The following USP8 variants were observed in gnomAD, a reference collection of about 807,000 sequenced individuals.
USP8 encodes the protein ubiquitin specific peptidase 8, also known as ubiquitin carboxyl-terminal hydrolase 8.
USP8 carries 27 observed loss-of-function variants against 130.0 expected under a neutral mutation model. The observed-to-expected ratio is 0.21, with a 90% CI of 0.15 to 0.29. The LOEUF is 0.29. Ranked by LOEUF, USP8 falls within the 10% of genes least tolerant of loss-of-function variation. The probability of loss-of-function intolerance (pLI) is 1.00; values close to 1 mark genes in which losing one functional copy is unlikely to be tolerated. For synonymous variants in USP8, 392 were observed against 444.1 expected (o/e 0.88, Z 1.48); for missense variants, 1,029 against 1,312.2 (o/e 0.78, Z 3.33).
At chr15:50,425,493 G>A (rs914664266) in intron 1 of USP8, among the ~76,000 whole-genome samples, 1 of 152,148 alleles carries the variant, frequency 6.6e-6, no homozygotes, top group Non-Finnish European at 1.5e-5. Context: ...GATGGATTTG[G>A]GTAGTTTCTC....
At chr15:50,441,119 G>A (rs2050245392) in intron 2 of USP8, among the ~76,000 whole-genome samples, 1 of 152,134 alleles carries the variant, frequency 6.6e-6, no homozygotes, top group Non-Finnish European at 1.5e-5. Context: ...GAGCTCAGGT[G>A]GTAATGCGAG....
chr15:50,508,443 T>A lies in USP8; in HGVS notation c.*9355T>A, dbSNP rs1414823499. 1.3e-5 allele frequency: 2 copies of A among 152,200 alleles called. No homozygotes were observed. Among genetic ancestry groups the A allele is most frequent in the Non-Finnish European group, 2.9e-5 (2 of 68,048 alleles). 9.4% of individuals were successfully genotyped at this position (152,200 alleles called of 1,614,324 possible). A position where few individuals can be genotyped will look rare whatever the true frequency, so the allele number is the denominator to read the frequency against. Reference sequence around the variant, plus strand: ...TTGTTATGCTGTCCAATTTTGTATATGTTTGAAATATTCTATAATAAAAAA... The same window carrying A: ...TTGTTATGCTGTCCAATTTTGTATAAGTTTGAAATATTCTATAATAAAAAA... On this transcript the variant is annotated 3_prime_UTR_variant, in exon 20 of 20. Coordinates refer to ENST00000307179, the MANE Select transcript of USP8 (RefSeq NM_005154.5).
chr15:50,449,256 A>G (rs1006507441), intron 3 of USP8, 144 bp from the exon 4 acceptor site: 5 of 414,122 alleles, frequency 1.2e-5, no homozygotes, highest in African/African-American at 2.1e-5. Flanking sequence ...ATACATTTAC[A>G]TAGGTTAAAA....
At chr15:50,488,741 T>A (rs1205194300) in intron 12 of USP8, among the ~76,000 whole-genome samples, 1 of 146,166 alleles carries the variant, frequency 6.8e-6, no homozygotes, top group African/African-American at 2.5e-5. Context: ...ATTTTTGGAT[T>A]TTTTTTTTTT....
chr15:50,465,306 T>A, intron 7 of USP8, 115 bp downstream of exon 7: 1 of 952,858 alleles, frequency 1.0e-6, no homozygotes, highest in Non-Finnish European at 1.4e-6. Flanking sequence ...CTTTTCCTGG[T>A]AACTTTTTAA....
rs770347449 is a variant in USP8 at position 50,471,810 on chromosome 15, T to C, written c.849+15T>C. On this transcript the variant is annotated intron_variant, in intron 8 of 19. Coordinates refer to ENST00000307179, the MANE Select transcript of USP8 (RefSeq NM_005154.5). ...CACTTTTCAAGGTTTGCAAGTTTCA[T>C]TGTTAGTTTATTGTAATTGCAGGGC... 7 of 1,613,424 alleles carry C rather than the reference T, an allele frequency of 4.3e-6. No individual in the cohort carries two copies. The highest frequency in any genetic ancestry group is 2.2e-5 in the South Asian group (2 of 90,918).
At chr15:50,438,389 G>A (rs1005784255) in intron 1 of USP8, among the ~76,000 whole-genome samples, 42 of 152,194 alleles carry the variant, frequency 2.8e-4, no homozygotes, top group Non-Finnish European at 4.0e-4. Flanking sequence ...TTTGAGACCA[G>A]CCTGGCCAAT....
intron 6 of USP8, chr15:50,463,262 A>G (rs762048363): frequency 1.3e-5 from 2 of 152,216 alleles, no homozygotes; most frequent in African/African-American, 4.8e-5. Context: ...AACCAGTAAT[A>G]TGGAAATTAT....
intron 8 of USP8, among the ~76,000 whole-genome samples, chr15:50,472,898 A>T: frequency 6.6e-6 from 1 of 152,326 alleles, no homozygotes; most frequent in East Asian, 1.9e-4. Context: ...CAGCAAGAGC[A>T]GAACTGTGTC....
chr15:50,426,514 A>G (rs1160061475), intron 1 of USP8, among the ~76,000 whole-genome samples: 1 of 152,246 alleles, frequency 6.6e-6, no homozygotes, highest in Non-Finnish European at 1.5e-5. Flanking sequence ...TCAGATAAGC[A>G]GCTGAGTTTG....
chr15:50,493,540 GC>G (rs2141322168), intron 15 of USP8: 11 of 512,016 alleles, frequency 2.1e-5, no homozygotes, highest in South Asian at 1.3e-4. Context: ...ATCACTTGGG[GC>G]CCAGGAGTTT....
chr15:50,512,325 TA>T lies in USP8; in HGVS notation c.*13251del, dbSNP rs1373639566. The T allele has an allele frequency of 3.6e-3, 488 of 135,608 alleles. 1 individual carries two copies. Among genetic ancestry groups the T allele is most frequent in the Middle Eastern group, 0.012 (3 of 254 alleles). 8.4% of individuals were successfully genotyped at this position (135,608 alleles called of 1,614,324 possible). On this transcript the variant is annotated 3_prime_UTR_variant, in exon 20 of 20. Transcript: ENST00000307179. ...CCTGGGCAACAGAGCAAGACTCTGT[TA>T]AAAAAAAAAAAAATAGCGAGAGATC...
In USP8 at chr15:50,427,215, C is replaced by T. The variant is rs542458402; in HGVS notation, c.-66+2701C>T. Among the ~76,000 whole-genome samples the T allele has an allele frequency of 4.6e-5, 7 of 152,244 alleles. No individual in the cohort carries two copies. The South Asian group carries it at 1.0e-3, about 23-fold the overall frequency. ...CCTCCGAAAGTGCTGGAATTACAGGCGTGAGCCACCGCGCCTGACCCATTT... is the reference window on the plus strand; with the variant it reads ...CCTCCGAAAGTGCTGGAATTACAGGTGTGAGCCACCGCGCCTGACCCATTT... On this transcript the variant is annotated intron_variant, in intron 1 of 19. Coordinates refer to ENST00000307179, the MANE Select transcript of USP8 (RefSeq NM_005154.5).
At chr15:50,495,802 T>C (rs779094957) in intron 16 of USP8, 46 bp from the exon 17 acceptor site, 2 of 1,439,158 alleles carry the variant, frequency 1.4e-6, no homozygotes, top group South Asian at 2.5e-5. Flanking sequence ...AATTTAAATG[T>C]TTTCTTTGAG....
chr15:50,513,695 GTTAT>G lies in USP8; in HGVS notation c.*14611_*14614del, dbSNP rs2052769826. ...AAAAGAAAGTATACAAATTTAAGTA[GTTAT>G]TTAAACCACAATGCCATTCTACTAT... On this transcript the variant is annotated 3_prime_UTR_variant, in exon 20 of 20. Coordinates refer to ENST00000307179, the MANE Select transcript of USP8 (RefSeq NM_005154.5). 1 of 151,436 alleles carries G rather than the reference GTTAT, an allele frequency of 6.6e-6. No individual in the cohort carries two copies. The highest frequency in any genetic ancestry group is 2.1e-4 in the South Asian group (1 of 4,778). 9.4% of individuals were successfully genotyped at this position (151,436 alleles called of 1,614,324 possible). A position where few individuals can be genotyped will look rare whatever the true frequency, so the allele number is the denominator to read the frequency against.
At position 50,513,758 on chromosome 15, in the gene USP8, A is replaced by G. The variant is rs1372678359; in HGVS notation, c.*14670A>G. On this transcript the variant is annotated 3_prime_UTR_variant, in exon 20 of 20. Coordinates refer to ENST00000307179, the MANE Select transcript of USP8 (RefSeq NM_005154.5). ...CCAGAAGGGCCAAAACAAAACGAAC[A>G]AAAGACTACCAAGTGTTAACAAGGA... The G allele has an allele frequency of 6.6e-6, 1 of 152,232 alleles. No homozygotes were observed. The highest frequency in any genetic ancestry group is 1.9e-4 in the East Asian group (1 of 5,204). 9.4% of individuals were successfully genotyped at this position (152,232 alleles called of 1,614,324 possible).
intron 10 of USP8, 130 bp downstream of exon 10, chr15:50,477,629 C>G (rs1213195720): frequency 1.2e-6 from 1 of 821,088 alleles, no homozygotes; most frequent in Non-Finnish European, 1.8e-6. Context: ...CACCTGAGGT[C>G]AGGAGTTTGA....
intron 15 of USP8, 103 bp from the exon 16 acceptor site, chr15:50,493,967 T>C (rs1014689116): frequency 7.8e-7 from 1 of 1,281,392 alleles, no homozygotes. Context: ...AATGTAGTGC[T>C]ACAGTATGTG....
At chr15:50,432,656 T>C (rs1025697562) in intron 1 of USP8, among the ~76,000 whole-genome samples, 6 of 152,260 alleles carry the variant, frequency 3.9e-5, no homozygotes, top group Non-Finnish European at 8.8e-5. Flanking sequence ...AATTGTCACC[T>C]GTATTAAGAA....
Sources: allele counts gnomAD v4.1 joint callset (sites outside exome capture counted in the v4.1 genomes callset), GRCh38; gene constraint gnomAD v4.1.1; transcripts MANE v1.5; gene names NCBI Gene and HGNC (gene_info 2026-07-23, HGNC 2026-07-21).